Variants in TMCO6 observed in about 807,000 individuals in gnomAD.
The protein encoded by TMCO6 is transmembrane and coiled-coil domain-containing protein 6.
In TMCO6, 47 loss-of-function variants were observed where a neutral mutation model predicts 61.8. That is an observed-to-expected ratio of 0.76 (90% CI 0.60 to 0.97). The LOEUF is 0.97. TMCO6 is among the 50% of genes least tolerant of loss of function. The pLI is 0.00. For missense variants in TMCO6, 557 were observed against 601.6 expected, an observed-to-expected ratio of 0.93 and a Z score of 0.78; for synonymous variants, 261 against 254.2, an observed-to-expected ratio of 1.03 and a Z score of -0.25.
chr5:140,628,428 C>T, the TMCO6 span, among the ~76,000 whole-genome samples: 9 of 151,950 alleles, frequency 5.9e-5, no homozygotes, highest in East Asian at 7.8e-4. Flanking sequence ...ATGCACTTTA[C>T]GGCTTTTCTT....
the TMCO6 span, chr5:140,609,270 A>G: frequency 1.1e-5 from 2 of 174,782 alleles, no homozygotes; most frequent in East Asian, 1.7e-4. Context: ...GAGTTGCTTG[A>G]GGTTTCTAAG....
the TMCO6 span, among the ~76,000 whole-genome samples, chr5:140,612,648 A>T: frequency 1.3e-5 from 2 of 152,124 alleles, no homozygotes; most frequent in African/African-American, 2.4e-5. Flanking sequence ...CAACTTGCCC[A>T]ATCTTAGGGC....
At chr5:140,599,943 TAA>T in the TMCO6 span, among the ~76,000 whole-genome samples, 11 of 143,940 alleles carry the variant, frequency 7.6e-5, no homozygotes, top group African/African-American at 2.9e-4. Context: ...TAAAATAAAA[TAA>T]AATAAAATCT....
At chr5:140,598,605 T>C in the TMCO6 span, among the ~76,000 whole-genome samples, 1 of 152,330 alleles carries the variant, frequency 6.6e-6, no homozygotes, top group African/African-American at 2.4e-5. Flanking sequence ...AGCATTCGTA[T>C]CTACCACTAG....
chr5:140,614,955 A>G, the TMCO6 span, among the ~76,000 whole-genome samples: 1 of 152,190 alleles, frequency 6.6e-6, no homozygotes, highest in Non-Finnish European at 1.5e-5. Context: ...AGCCAGAACA[A>G]GTAGGCAGGA....
intron 11 of TMCO6, 32 bp downstream of exon 11, chr5:140,644,772 C>A (rs745864686): frequency 2.9e-5 from 46 of 1,611,568 alleles, no homozygotes; most frequent in South Asian, 2.3e-4. Context: ...CCTCAGTCAC[C>A]CCTGTTCTGA....
At chr5:140,613,798 C>T in the TMCO6 span, among the ~76,000 whole-genome samples, 3 of 152,214 alleles carry the variant, frequency 2.0e-5, no homozygotes, top group South Asian at 6.2e-4. Flanking sequence ...ACGTCAAACT[C>T]CTGGCCTTAA....
At chr5:140,643,479 A>G (rs1757177180) in intron 7 of TMCO6, 85 bp from the exon 8 acceptor site, 7 of 1,296,392 alleles carry the variant, frequency 5.4e-6, no homozygotes, top group Non-Finnish European at 7.8e-6. Flanking sequence ...TTACAGGCAT[A>G]AGCCACCACG....
At chr5:140,605,150 A>G in the TMCO6 span, among the ~76,000 whole-genome samples, 1 of 152,192 alleles carries the variant, frequency 6.6e-6, no homozygotes, top group Non-Finnish European at 1.5e-5. Flanking sequence ...TTAAATTGCT[A>G]TTGCATAGAA....
In TMCO6 at chr5:140,645,182, T is replaced by TA; in HGVS notation, c.*86dup. On this transcript the variant is annotated 3_prime_UTR_variant, in exon 12 of 12. Transcript: ENST00000394671. ...TAGAGCCTTTGGAGATTTAGGACCA[T>TA]AATGAGGTCTCATGTTCTCTGCTCC... 1 of 1,379,850 alleles carries TA rather than the reference T, an allele frequency of 7.2e-7. No individual in the cohort carries two copies. Among genetic ancestry groups the TA allele is most frequent in the Middle Eastern group, 1.8e-4 (1 of 5,596 alleles). The allele number at this position is 1,379,850 out of a possible 1,614,324, so 85.5% of individuals were successfully genotyped here. A position where few individuals can be genotyped will look rare whatever the true frequency, so the allele number is the denominator to read the frequency against.
upstream of TMCO6, among the ~76,000 whole-genome samples, chr5:140,634,558 T>C (rs1378124454): frequency 6.8e-6 from 1 of 146,820 alleles, no homozygotes; most frequent in Non-Finnish European, 1.5e-5. Context: ...TGATCTTGGC[T>C]CACTGCAACC....
chr5:140,606,724 C>G, the TMCO6 span, among the ~76,000 whole-genome samples: 2 of 152,046 alleles, frequency 1.3e-5, no homozygotes, highest in Non-Finnish European at 2.9e-5. Context: ...CTCAGGAGTT[C>G]GAGACCAACC....
At chr5:140,647,724 T>A, downstream of TMCO6, 1 of 1,321,950 alleles carries the variant, frequency 7.6e-7, no homozygotes, top group Non-Finnish European at 1.1e-6. Flanking sequence ...AAAAGTATTG[T>A]AGGACCGCTG....
the TMCO6 span, among the ~76,000 whole-genome samples, chr5:140,609,590 G>A: frequency 3.4e-5 from 5 of 148,366 alleles, no homozygotes; most frequent in African/African-American, 1.3e-4. Context: ...GGGGCAACAG[G>A]CATAGAAGCA....
At chr5:140,605,641 T>G in the TMCO6 span, among the ~76,000 whole-genome samples, 1 of 151,168 alleles carries the variant, frequency 6.6e-6, no homozygotes, top group East Asian at 2.0e-4. Context: ...GATCTCGTCG[T>G]TGCACTCCAG....
the TMCO6 span, among the ~76,000 whole-genome samples, chr5:140,617,038 C>T: frequency 6.7e-6 from 1 of 150,360 alleles, no homozygotes; most frequent in Non-Finnish European, 1.5e-5. Flanking sequence ...GCCAAACCGT[C>T]TCAGGCAAAA....
At chr5:140,631,616 G>A in the TMCO6 span, 3 of 417,050 alleles carry the variant, frequency 7.2e-6, no homozygotes, top group Admixed American at 7.9e-5. Context: ...GGACAGATAG[G>A]GTTTCTTAGG....
downstream of TMCO6, chr5:140,647,320 A>T (rs371008733): frequency 6.3e-7 from 1 of 1,598,540 alleles, no homozygotes; most frequent in South Asian, 1.1e-5. Flanking sequence ...GTAGGTCGGG[A>T]TTCGCCTTCT....
chr5:140,646,516 TCTC>T (rs61408737), downstream of TMCO6, among the ~76,000 whole-genome samples: 605 of 152,224 alleles, frequency 4.0e-3, 1 homozygote, highest in African/African-American at 0.014. Context: ...AGGTGGTCAC[TCTC>T]CTCCACCTCC....
Sources: gnomAD v4.1 joint callset for allele counts (sites outside exome capture counted in the v4.1 genomes callset) on GRCh38, gnomAD v4.1.1 for gene constraint, MANE v1.5 for transcripts, NCBI Gene and HGNC (gene_info 2026-07-23, HGNC 2026-07-21) for gene names.